Variants in ORC2 observed in about 807,000 individuals in gnomAD.
ORC2 encodes origin recognition complex protein 2 homolog.
Under a neutral mutation model 77.7 loss-of-function variants are expected in ORC2, and 37 were observed. That is an observed-to-expected ratio of 0.48 (90% CI 0.37 to 0.63). The LOEUF is 0.63. Among genes scored for constraint, ORC2 ranks in the 20% least tolerant of loss-of-function variants. The pLI is 0.00. For synonymous variants in ORC2, 201 were observed against 229.5 expected, an observed-to-expected ratio of 0.88 and a Z score of 1.12; for missense variants, 557 against 661.9, an observed-to-expected ratio of 0.84 and a Z score of 1.74.
rs1227985323 is a variant in ORC2, at chr2:200,942,001, C to CA, written c.421+683dup. ...CTGGGTGAAAAGCGAGACTCCTTCTCAAAAAAAAAGAAAAAAAAAAAAGTA... is the reference window on the plus strand; with the variant it reads ...CTGGGTGAAAAGCGAGACTCCTTCTCAAAAAAAAAAGAAAAAAAAAAAAGTA... On this transcript the variant is annotated intron_variant, in intron 6 of 17. Coordinates refer to ENST00000234296, the MANE Select transcript of ORC2 (RefSeq NM_006190.5). Among the ~76,000 whole-genome samples, 14 of 137,044 alleles carry CA rather than the reference C, an allele frequency of 1.0e-4. No homozygotes were observed. The East Asian group carries it at 1.3e-3, about 12-fold the overall frequency. The allele number at this position is 137,044 out of a possible 152,430, so 89.9% of individuals were successfully genotyped here. A position where few individuals can be genotyped will look rare whatever the true frequency, so the allele number is the denominator to read the frequency against.
intron 9 of ORC2, among the ~76,000 whole-genome samples, chr2:200,935,020 G>C (rs2041010447): frequency 6.6e-6 from 1 of 152,114 alleles, no homozygotes; most frequent in East Asian, 1.9e-4. Flanking sequence ...ACAAAAACAA[G>C]ATACACTGAG....
At chr2:200,923,129 T>C (rs1212708845) in intron 13 of ORC2, among the ~76,000 whole-genome samples, 2 of 152,252 alleles carry the variant, frequency 1.3e-5, no homozygotes, top group Non-Finnish European at 2.9e-5. Flanking sequence ...TTAAGTTCTA[T>C]GCTGCTGCAA....
At chr2:200,962,774 G>A (rs907682843) in intron 1 of ORC2, among the ~76,000 whole-genome samples, 1 of 152,178 alleles carries the variant, frequency 6.6e-6, no homozygotes, top group Non-Finnish European at 1.5e-5. Context: ...TAACGGTGTA[G>A]GGCCGTGCTA....
chr2:200,951,287 C>A (rs1313612865), intron 4 of ORC2, among the ~76,000 whole-genome samples: 1 of 152,014 alleles, frequency 6.6e-6, no homozygotes, highest in Non-Finnish European at 1.5e-5. Flanking sequence ...CTCTTTGTTG[C>A]TTCCAAGTTT....
At chr2:200,930,428 A>G (rs751559862) in intron 11 of ORC2, among the ~76,000 whole-genome samples, 3 of 152,172 alleles carry the variant, frequency 2.0e-5, no homozygotes, top group Non-Finnish European at 4.4e-5. Context: ...ACAAATTTAT[A>G]ATGCATAGAT....
At chr2:200,918,257 T>A (rs1343214444) in intron 15 of ORC2, among the ~76,000 whole-genome samples, 3 of 152,166 alleles carry the variant, frequency 2.0e-5, no homozygotes, top group Admixed American at 2.0e-4. Context: ...TGGCTTCAAC[T>A]CTGCTCACTG....
intron 5 of ORC2, among the ~76,000 whole-genome samples, chr2:200,946,639 A>C (rs2041254722): frequency 6.6e-6 from 1 of 152,232 alleles, no homozygotes; most frequent in Non-Finnish European, 1.5e-5. Context: ...GCTTACAAAT[A>C]CAACACATTA....
At chr2:200,947,948 GC>G (rs1292077928) in intron 5 of ORC2, among the ~76,000 whole-genome samples, 1 of 150,604 alleles carries the variant, frequency 6.6e-6, no homozygotes, top group East Asian at 2.0e-4. Flanking sequence ...TCGCTCTGTC[GC>G]CCAGGCTGGA....
chr2:200,944,180 C>G (rs914328538), intron 5 of ORC2, among the ~76,000 whole-genome samples: 2 of 152,002 alleles, frequency 1.3e-5, no homozygotes, highest in African/African-American at 4.8e-5. Flanking sequence ...ACAAGATAGT[C>G]TCTTTTTTTT....
intron 7 of ORC2, 72 bp from the exon 8 acceptor site, chr2:200,938,038 A>G (rs984933576): frequency 2.9e-6 from 3 of 1,045,860 alleles, no homozygotes; most frequent in Admixed American, 4.6e-5. Context: ...AAGAGGCTAG[A>G]AAAAAAGAAA....
At chr2:200,932,496 C>T (rs1396122380) in intron 10 of ORC2, among the ~76,000 whole-genome samples, 3 of 151,920 alleles carry the variant, frequency 2.0e-5, no homozygotes, top group Non-Finnish European at 4.4e-5. Context: ...CGTGCCACCA[C>T]GCCTGGCTAA....
chr2:200,911,895 A>C (rs1197182467), intron 17 of ORC2, among the ~76,000 whole-genome samples: 4 of 152,200 alleles, frequency 2.6e-5, no homozygotes, highest in African/African-American at 9.6e-5. Context: ...AGTTTAACTG[A>C]GCTACTGTTC....
chr2:200,956,444 A>G (rs1055556605), intron 4 of ORC2, among the ~76,000 whole-genome samples: 5 of 152,056 alleles, frequency 3.3e-5, no homozygotes, highest in African/African-American at 7.2e-5. Context: ...GTCTCCCAAT[A>G]TGCTGAGATT....
At chr2:200,956,060 T>C (rs1559024901) in intron 4 of ORC2, among the ~76,000 whole-genome samples, 1 of 152,186 alleles carries the variant, frequency 6.6e-6, no homozygotes, top group Non-Finnish European at 1.5e-5. Context: ...GTTAAAAATA[T>C]AAATATCTTT....
intron 1 of ORC2, among the ~76,000 whole-genome samples, chr2:200,960,653 C>T (rs1213203095): frequency 6.6e-6 from 1 of 152,092 alleles, no homozygotes; most frequent in African/African-American, 2.4e-5. Context: ...TATATAATGT[C>T]CCCAACTTAC....
At chr2:200,949,531 T>C (rs535775429) in intron 5 of ORC2, 23 bp downstream of exon 5, 18 of 1,260,538 alleles carry the variant, frequency 1.4e-5, no homozygotes, top group African/African-American at 5.9e-5. Flanking sequence ...GTAATAGTTA[T>C]AGAAATCAGA....
chr2:200,926,012 A>G, intron 12 of ORC2, 80 bp from the exon 13 acceptor site: 1 of 580,776 alleles, frequency 1.7e-6, no homozygotes, highest in South Asian at 2.6e-5. Flanking sequence ...ACCTTTTTTT[A>G]TAAATTAAAA....
intron 8 of ORC2, among the ~76,000 whole-genome samples, chr2:200,936,127 A>G (rs962679585): frequency 6.6e-6 from 1 of 152,268 alleles, no homozygotes; most frequent in Admixed American, 6.5e-5. Flanking sequence ...ATGTATATAA[A>G]GCCACTAATA....
At chr2:200,947,052 G>A (rs1369413448) in intron 5 of ORC2, among the ~76,000 whole-genome samples, 2 of 151,868 alleles carry the variant, frequency 1.3e-5, no homozygotes, top group Non-Finnish European at 2.9e-5. Flanking sequence ...ACAGGTGTGT[G>A]CCACCACACC....
Sources: allele counts gnomAD v4.1 joint callset (sites outside exome capture counted in the v4.1 genomes callset), GRCh38; gene constraint gnomAD v4.1.1; transcripts MANE v1.5; gene names NCBI Gene and HGNC (gene_info 2026-07-23, HGNC 2026-07-21).